Variants in ADNP2 observed in about 807,000 individuals in gnomAD.
The protein encoded by ADNP2 is ADNP homeobox 2.
Under a neutral mutation model 16.4 loss-of-function variants are expected in ADNP2, and 8 were observed. The observed-to-expected ratio is 0.49, with a 90% CI of 0.29 to 0.88. The LOEUF is 0.88. Ranked by LOEUF, ADNP2 falls within the 40% of genes least tolerant of loss-of-function variation. The probability of loss-of-function intolerance (pLI) is 0.09; values close to 1 mark genes in which losing one functional copy is unlikely to be tolerated. For synonymous variants in ADNP2, 637 were observed against 545.8 expected, an observed-to-expected ratio of 1.17 and a Z score of -2.33; for missense variants, 1,397 against 1,395.1, an observed-to-expected ratio of 1.00 and a Z score of -0.02.
At chr18:80,111,725 A>G (rs2052358636) in intron 1 of ADNP2, among the ~76,000 whole-genome samples, 1 of 151,950 alleles carries the variant, frequency 6.6e-6, no homozygotes, top group African/African-American at 2.4e-5. Context: ...GGTAATTTTT[A>G]GTAGAGACAG....
Position 80,136,342 on chromosome 18 carries a change from CTG to C in ADNP2, c.932_933del (p.Val311GlyfsTer72). On this transcript the variant is annotated frameshift_variant, in exon 4 of 4. Coordinates refer to ENST00000262198, the MANE Select transcript of ADNP2 (RefSeq NM_014913.4). LOFTEE classifies it low-confidence loss of function (END_TRUNC). ...AGCCCAGCCGCAGGACAGCCAGTGA[CTG>C]TGGCCCAGGGTGCCCCTGGAAGCCT... 6.2e-7 allele frequency: 1 copy of C among 1,614,236 alleles called. No homozygotes were observed. Among genetic ancestry groups the C allele is most frequent in the Non-Finnish European group, 8.5e-7 (1 of 1,180,030 alleles).
chr18:80,135,691 A>T lies in ADNP2; in HGVS notation c.278A>T (p.His93Leu), dbSNP rs772830301. The T allele has an allele frequency of 6.2e-7, 1 of 1,614,238 alleles. No homozygotes were observed. Among genetic ancestry groups the T allele is most frequent in the South Asian group, 1.1e-5 (1 of 91,082 alleles). The change falls in exon 4 of 4, where the codon CAT becomes CTT. Residue 93 changes from histidine to leucine, a missense_variant. Around this residue, in one of 3 missense-constraint regions of ADNP2, gnomAD observed 777 missense variants for 719.4 expected, o/e 1.08. Coordinates refer to ENST00000262198, the MANE Select transcript of ADNP2 (RefSeq NM_014913.4). ...KVLTSFKNHL[H>L]RYHEDEIDQE... ...CTTACTTCATTCAAGAATCATTTACATCGTTACCATGAAGATGAAATTGAC... is the reference window on the plus strand; with the variant it reads ...CTTACTTCATTCAAGAATCATTTACTTCGTTACCATGAAGATGAAATTGAC...
Position 80,137,678 on chromosome 18 carries a change from G to A in ADNP2, c.2265G>A (p.Leu755=). The change falls in exon 4 of 4, where the codon TTG becomes TTA. Residue 755 remains leucine, a synonymous_variant. Coordinates refer to ENST00000262198, the MANE Select transcript of ADNP2 (RefSeq NM_014913.4). This position sits in a 1 kb window ranked among gnomAD's most constrained non-coding sequence, Gnocchi z 4.2. Reference sequence around the variant, plus strand: ...TGCGATGTCTGTCTTGTAAGTGCTTGGTCTCTGAGGAAGAGCTTATACACC... The same window carrying A: ...TGCGATGTCTGTCTTGTAAGTGCTTAGTCTCTGAGGAAGAGCTTATACACC... ...KTVRCLSCKC[L]VSEEELIHHL... 6.2e-7 allele frequency: 1 copy of A among 1,614,186 alleles called. No homozygotes were observed. Among genetic ancestry groups the A allele is most frequent in the Non-Finnish European group, 8.5e-7 (1 of 1,180,026 alleles).
At position 80,136,427 on chromosome 18, in the gene ADNP2, G is replaced by T; in HGVS notation, c.1014G>T (p.Leu338=). 1 of 1,614,104 alleles carries T rather than the reference G, an allele frequency of 6.2e-7. No individual in the cohort carries two copies. The highest frequency in any genetic ancestry group is 1.1e-5 in the South Asian group (1 of 91,082). The change falls in exon 4 of 4, where the codon CTG becomes CTT. Residue 338 remains leucine (L), a synonymous_variant. Coordinates refer to ENST00000262198, the MANE Select transcript of ADNP2 (RefSeq NM_014913.4). The part of the protein sequence containing the change: ...QSHMTLVSSP[L]PVGQNSLTLQ... ...ACATGACTCTGGTCTCCAGCCCTCTGCCTGTGGGCCAGAACAGCCTCACCC... is the reference window on the plus strand; with the variant it reads ...ACATGACTCTGGTCTCCAGCCCTCTTCCTGTGGGCCAGAACAGCCTCACCC...
Position 80,136,835 on chromosome 18 carries a change from G to T in ADNP2, c.1422G>T (p.Gly474=), listed in dbSNP as rs769354400. Residue 474 remains glycine, a synonymous_variant, in exon 4 of 4, where the codon GGG becomes GGT. Coordinates refer to ENST00000262198, the MANE Select transcript of ADNP2 (RefSeq NM_014913.4). The part of the protein sequence containing the change: ...GVIPGQTATS[G]VLPTGQMVQS... ...TCCCTGGGCAAACAGCAACTTCTGG[G>T]GTTCTTCCTACTGGCCAGATGGTCC... The T allele has an allele frequency of 6.2e-6, 10 of 1,613,908 alleles. No individual in the cohort carries two copies. In the South Asian group the frequency reaches 1.1e-4, roughly 18 times the overall value.
chr18:80,136,710 G>C lies in ADNP2; in HGVS notation c.1297G>C (p.Val433Leu), dbSNP rs1458910212. The C allele has an allele frequency of 6.2e-7, 1 of 1,613,246 alleles. No homozygotes were observed. Among genetic ancestry groups the C allele is most frequent in the Non-Finnish European group, 8.5e-7 (1 of 1,179,654 alleles). Residue 433 changes from valine (V) to leucine (L), a missense_variant, in exon 4 of 4, where the codon GTC (valine) becomes CTC (leucine). Around this residue, in one of 3 missense-constraint regions of ADNP2, gnomAD observed 777 missense variants for 719.4 expected, o/e 1.08. Transcript: ENST00000262198. Reference protein sequence around the residue: ...PSVTPGVLQAVSPGVLSVSRA... With the variant: ...PSVTPGVLQALSPGVLSVSRA... ...TGTCACCCCTGGGGTCCTGCAGGCT[G>C]TCTCGCCAGGGGTGCTTTCTGTGAG...
intron 1 of ADNP2, among the ~76,000 whole-genome samples, chr18:80,113,107 T>C (rs2052367940): frequency 6.6e-6 from 1 of 152,184 alleles, no homozygotes; most frequent in South Asian, 2.1e-4. Context: ...AAATGCATAA[T>C]GAGGTTATGG....
intron 2 of ADNP2, among the ~76,000 whole-genome samples, chr18:80,118,113 C>T (rs920904449): frequency 6.6e-6 from 1 of 151,960 alleles, no homozygotes; most frequent in Non-Finnish European, 1.5e-5. Context: ...TAGTTTTAAA[C>T]AATGTTAAAT....
At chr18:80,110,630 C>G (rs983815780) in intron 1 of ADNP2, among the ~76,000 whole-genome samples, 2 of 152,108 alleles carry the variant, frequency 1.3e-5, no homozygotes, top group African/African-American at 2.4e-5. Flanking sequence ...ACATGTTCAG[C>G]TGTATTTGGA....
At chr18:80,119,945 T>C (rs551787539) in intron 2 of ADNP2, among the ~76,000 whole-genome samples, 1 of 152,236 alleles carries the variant, frequency 6.6e-6, no homozygotes, top group South Asian at 2.1e-4. Context: ...AGCCCCCAAC[T>C]TGGGACTACA....
intron 2 of ADNP2, among the ~76,000 whole-genome samples, chr18:80,127,286 G>A (rs1241804173): frequency 9.9e-5 from 15 of 151,206 alleles, no homozygotes; most frequent in Admixed American, 9.9e-4. Flanking sequence ...CTGTATATTA[G>A]GCTCCTTGAT....
intron 1 of ADNP2, among the ~76,000 whole-genome samples, chr18:80,111,889 C>G (rs1306556479): frequency 2.0e-5 from 3 of 151,824 alleles, no homozygotes; most frequent in Admixed American, 6.6e-5. Flanking sequence ...AATAGAATAT[C>G]CTTACGAGAT....
Position 80,136,625 on chromosome 18 carries a change from C to T in ADNP2, c.1212C>T (p.Thr404=). ...TTCGCCCTGGGGTTTTACCCCTCACCCAGCCTGTGGGACCCATAAACAGAC... is the reference window on the plus strand; with the variant it reads ...TTCGCCCTGGGGTTTTACCCCTCACTCAGCCTGTGGGACCCATAAACAGAC... ...QTVRPGVLPL[T]QPVGPINRPV... is the part of the protein sequence containing the mutation. Residue 404 remains threonine, a synonymous_variant, in exon 4 of 4, where the codon ACC becomes ACT. Transcript: ENST00000262198. The T allele has an allele frequency of 1.2e-6, 2 of 1,614,182 alleles. No homozygotes were observed. Among genetic ancestry groups the T allele is most frequent in the Non-Finnish European group, 8.5e-7 (1 of 1,180,026 alleles).
intron 2 of ADNP2, among the ~76,000 whole-genome samples, chr18:80,131,708 A>G (rs935257881): frequency 3.3e-5 from 5 of 152,056 alleles, no homozygotes; most frequent in African/African-American, 1.2e-4. Flanking sequence ...AGGGACATGG[A>G]TGAAGCTGGA....
chr18:80,109,690 C>G (rs2052344348), intron 1 of ADNP2: 1 of 150,374 alleles, frequency 6.7e-6, no homozygotes, highest in Admixed American at 6.6e-5. Flanking sequence ...CGTCGACCCC[C>G]GACGCGCCCG....
chr18:80,121,851 A>G (rs1021367364), intron 2 of ADNP2, among the ~76,000 whole-genome samples: 6 of 151,878 alleles, frequency 4.0e-5, no homozygotes, highest in African/African-American at 1.5e-4. Flanking sequence ...TCCTGGATAT[A>G]TGGGTTTATT....
At chr18:80,111,028 A>G (rs775902946) in intron 1 of ADNP2, among the ~76,000 whole-genome samples, 3 of 152,084 alleles carry the variant, frequency 2.0e-5, no homozygotes, top group Non-Finnish European at 4.4e-5. Context: ...TTAATTTATG[A>G]TTGCCCTCAT....
intron 1 of ADNP2, among the ~76,000 whole-genome samples, chr18:80,114,355 A>G (rs1392483273): frequency 6.6e-6 from 1 of 152,192 alleles, no homozygotes; most frequent in South Asian, 2.1e-4. Flanking sequence ...GCATTTCTTT[A>G]TTATTAAAGT....
At position 80,138,093 on chromosome 18, in the gene ADNP2, T is replaced by C. The variant is rs775678002; in HGVS notation, c.2680T>C (p.Leu894=). The change falls in exon 4 of 4, where the codon TTG becomes CTG. Residue 894 remains leucine (L), a synonymous_variant. Coordinates refer to ENST00000262198, the MANE Select transcript of ADNP2 (RefSeq NM_014913.4). ...GACAACTGAGGCCTATGAGCTGCAT[T>C]TGAAGGAGAGGCACCACATCATGCC... ...FVTTEAYELH[L]KERHHIMPTV... 1.5e-5 allele frequency: 25 copies of C among 1,613,756 alleles called. No homozygotes were observed. The highest frequency in any genetic ancestry group is 1.6e-4 in the Middle Eastern group (1 of 6,084).
Sources: gnomAD v4.1 joint callset for allele counts (sites outside exome capture counted in the v4.1 genomes callset) on GRCh38, gnomAD v4.1.1 for gene constraint, gnomAD v4.1.1 regional missense constraint, Gnocchi (gnomAD v3.1) non-coding constraint, MANE v1.5 for transcripts, NCBI Gene and HGNC (gene_info 2026-07-23, HGNC 2026-07-21) for gene names.